GRIN2B: variants seen among roughly 807,000 people sequenced by gnomAD.
GRIN2B encodes the protein glutamate ionotropic receptor NMDA type subunit 2B.
GRIN2B carries 5 observed loss-of-function variants against 114.5 expected under a neutral mutation model. That is an observed-to-expected ratio of 0.04 (90% CI 0.02 to 0.09). The LOEUF is 0.09. GRIN2B is among the 10% of genes least tolerant of loss of function. The pLI is 1.00. For synonymous variants in GRIN2B, 787 were observed against 745.1 expected (o/e 1.06, Z -0.92); for missense variants, 1,108 against 1,943.5 (o/e 0.57, Z 8.08).
chr12:13,650,017 A>G (rs956699592), intron 5 of GRIN2B, among the ~76,000 whole-genome samples: 4 of 152,062 alleles, frequency 2.6e-5, no homozygotes, highest in Non-Finnish European at 5.9e-5. Context: ...ACTATACACC[A>G]TGCTGTGTGG....
chr12:13,636,219 G>A (rs1949664420), intron 5 of GRIN2B, among the ~76,000 whole-genome samples: 1 of 152,180 alleles, frequency 6.6e-6, no homozygotes, highest in Admixed American at 6.5e-5. Context: ...GGCTTTGCTT[G>A]GAGTGTCTAA....
At chr12:13,843,325 C>T (rs1865417850) in intron 3 of GRIN2B, among the ~76,000 whole-genome samples, 2 of 151,914 alleles carry the variant, frequency 1.3e-5, no homozygotes, top group African/African-American at 4.8e-5. Flanking sequence ...TGTGATCTTC[C>T]AGACAACTGT....
intron 2 of GRIN2B, among the ~76,000 whole-genome samples, chr12:13,944,630 T>A (rs1867330368): frequency 6.6e-6 from 1 of 152,192 alleles, no homozygotes; most frequent in African/African-American, 2.4e-5. Flanking sequence ...GCTTCCTACT[T>A]CTCATTTTAC....
intron 3 of GRIN2B, among the ~76,000 whole-genome samples, chr12:13,776,335 G>C (rs1024278202): frequency 6.6e-6 from 1 of 152,128 alleles, no homozygotes; most frequent in Admixed American, 6.5e-5. Context: ...TTAATCCCTA[G>C]GTGATGGGAT....
chr12:13,930,600 T>C (rs1671797787), intron 2 of GRIN2B, among the ~76,000 whole-genome samples: 1 of 152,358 alleles, frequency 6.6e-6, no homozygotes, highest in South Asian at 2.1e-4. Context: ...TTTGAATTAA[T>C]GTATCGGTAA....
At chr12:13,574,736 A>G (rs1948752983) in intron 10 of GRIN2B, among the ~76,000 whole-genome samples, 1 of 152,226 alleles carries the variant, frequency 6.6e-6, no homozygotes, top group Non-Finnish European at 1.5e-5. Flanking sequence ...GTATCCCTGA[A>G]TAAATAAAAG....
At chr12:13,906,040 A>G (rs542477548) in intron 2 of GRIN2B, among the ~76,000 whole-genome samples, 1 of 152,306 alleles carries the variant, frequency 6.6e-6, no homozygotes, top group African/African-American at 2.4e-5. Context: ...CTTAATTATC[A>G]GCAAATACCG....
intron 10 of GRIN2B, among the ~76,000 whole-genome samples, chr12:13,601,163 C>T (rs1020141297): frequency 6.6e-6 from 1 of 152,222 alleles, no homozygotes; most frequent in Admixed American, 6.5e-5. Context: ...TATTAGGTCC[C>T]TGTGGCAGCC....
At chr12:13,691,861 A>G (rs1950217458) in intron 4 of GRIN2B, among the ~76,000 whole-genome samples, 1 of 152,196 alleles carries the variant, frequency 6.6e-6, no homozygotes, top group African/African-American at 2.4e-5. Context: ...GTTGGTGGAA[A>G]GAGAAGACAA....
intron 2 of GRIN2B, among the ~76,000 whole-genome samples, chr12:13,948,085 C>T (rs1333941293): frequency 6.6e-6 from 1 of 152,042 alleles, no homozygotes; most frequent in Non-Finnish European, 1.5e-5. Context: ...TGTAGAAGTG[C>T]CATTGGGGAA....
intron 4 of GRIN2B, among the ~76,000 whole-genome samples, chr12:13,698,971 C>T (rs1436632832): frequency 6.6e-6 from 1 of 152,164 alleles, no homozygotes; most frequent in East Asian, 1.9e-4. Context: ...GCGTGAGCCA[C>T]CGCACCCGGC....
intron 3 of GRIN2B, among the ~76,000 whole-genome samples, chr12:13,861,825 C>T (rs1322118128): frequency 5.3e-5 from 8 of 152,176 alleles, no homozygotes; most frequent in Non-Finnish European, 1.0e-4. Context: ...GATTCTCATT[C>T]TTTTCCTGCA....
intron 2 of GRIN2B, among the ~76,000 whole-genome samples, chr12:13,870,067 G>A (rs1451358305): frequency 1.3e-5 from 2 of 152,142 alleles, no homozygotes; most frequent in African/African-American, 4.8e-5. Flanking sequence ...TGGGAGGTGA[G>A]GGTGAAAGAA....
At chr12:13,933,632 C>G (rs1400664144) in intron 2 of GRIN2B, among the ~76,000 whole-genome samples, 1 of 152,140 alleles carries the variant, frequency 6.6e-6, no homozygotes, top group Non-Finnish European at 1.5e-5. Flanking sequence ...TCAGCCAAAG[C>G]AGCTAAGACT....
Position 13,874,608 on chromosome 12 carries a change from C to T in GRIN2B, c.-18-8382G>A, listed in dbSNP as rs74069220. Reference sequence around the variant, plus strand: ...GGACAGTGTGGGCACTGCTGAAATCCAAACCTTTTGAAACCTGATTCTGAT... The same window carrying T: ...GGACAGTGTGGGCACTGCTGAAATCTAAACCTTTTGAAACCTGATTCTGAT... On this transcript the variant is annotated intron_variant, in intron 2 of 13. Coordinates refer to ENST00000609686, the MANE Select transcript of GRIN2B (RefSeq NM_000834.5). Among the ~76,000 whole-genome samples the T allele has an allele frequency of 2.9e-3, 443 of 152,274 alleles. 2 individuals are homozygous for T. Among genetic ancestry groups the T allele is most frequent in the African/African-American group, 0.01 (425 of 41,578 alleles).
chr12:13,852,467 A>C (rs1173490552), intron 3 of GRIN2B, among the ~76,000 whole-genome samples: 3 of 152,180 alleles, frequency 2.0e-5, no homozygotes, highest in African/African-American at 7.2e-5. Flanking sequence ...AATTTTGTAA[A>C]AATAACAAAA....
At chr12:13,958,377 T>C (rs2136857992) in intron 2 of GRIN2B, among the ~76,000 whole-genome samples, 1 of 152,288 alleles carries the variant, frequency 6.6e-6, no homozygotes, top group Non-Finnish European at 1.5e-5. Flanking sequence ...GCAAGTCACA[T>C]GAGCTGCCCT....
At chr12:13,704,221 C>T (rs1304882567) in intron 4 of GRIN2B, among the ~76,000 whole-genome samples, 1 of 152,050 alleles carries the variant, frequency 6.6e-6, no homozygotes, top group Non-Finnish European at 1.5e-5. Context: ...GGGTAGGATG[C>T]ATGAGGAGGA....
intron 2 of GRIN2B, among the ~76,000 whole-genome samples, chr12:13,937,276 AT>A (rs957804030): frequency 1.5e-4 from 23 of 152,022 alleles, no homozygotes; most frequent in African/African-American, 5.6e-4. Flanking sequence ...CCGAATGCCA[AT>A]TTGATTTTCA....
Sources: allele counts gnomAD v4.1 joint callset (sites outside exome capture counted in the v4.1 genomes callset), GRCh38; gene constraint gnomAD v4.1.1; transcripts MANE v1.5; gene names NCBI Gene and HGNC (gene_info 2026-07-23, HGNC 2026-07-21).